PRELID2: variants seen among roughly 807,000 people sequenced by gnomAD.
PRELID2 encodes the protein PRELI domain-containing protein 2.
A neutral mutation model predicts 28.4 loss-of-function variants in PRELID2; 25 were observed. The observed-to-expected ratio is 0.88, with a 90% CI of 0.64 to 1.23. The LOEUF (loss-of-function observed/expected upper bound fraction) is 1.23, where lower values mean the gene tolerates loss of function less well. Among genes scored for constraint, PRELID2 ranks in the 50% most tolerant of loss-of-function variants. The probability of loss-of-function intolerance (pLI) is 0.00; values close to 1 mark genes in which losing one functional copy is unlikely to be tolerated. For synonymous variants in PRELID2, 76 were observed against 71.6 expected (o/e 1.06, Z -0.31); for missense variants, 201 against 214.4 (o/e 0.94, Z 0.39).
intron 1 of PRELID2, among the ~76,000 whole-genome samples, chr5:145,494,355 T>G (rs1752291455): frequency 6.6e-6 from 1 of 152,178 alleles, no homozygotes; most frequent in Admixed American, 6.5e-5. Flanking sequence ...TATTCAGTCT[T>G]GAAAAAATAC....
chr5:145,821,048 A>G (rs1437951775), intron 2 of PRELID2, among the ~76,000 whole-genome samples: 3 of 151,942 alleles, frequency 2.0e-5, no homozygotes, highest in Non-Finnish European at 2.9e-5. Flanking sequence ...TTTTCTATCT[A>G]TTAGAAGCGT....
the PRELID2 span, among the ~76,000 whole-genome samples, chr5:145,441,992 C>T: frequency 1.3e-5 from 2 of 152,192 alleles, no homozygotes; most frequent in East Asian, 3.9e-4. Flanking sequence ...GATGGCATTG[C>T]CAACCTTTAA....
chr5:145,331,401 G>A, the PRELID2 span, among the ~76,000 whole-genome samples: 1 of 152,160 alleles, frequency 6.6e-6, no homozygotes, highest in East Asian at 1.9e-4. Context: ...TTGTGTGGGA[G>A]TCTAAGTCTC....
intron 1 of PRELID2, among the ~76,000 whole-genome samples, chr5:145,679,977 G>A (rs560801322): frequency 1.1e-4 from 17 of 151,834 alleles, no homozygotes; most frequent in Non-Finnish European, 2.2e-4. Flanking sequence ...AGTTCTTAAA[G>A]TTCCAATGTT....
intron 1 of PRELID2, among the ~76,000 whole-genome samples, chr5:145,617,482 G>A (rs1581005685): frequency 6.6e-6 from 1 of 152,272 alleles, no homozygotes; most frequent in South Asian, 2.1e-4. Context: ...TCCGTTCGGG[G>A]TTCCTGACTT....
At chr5:145,489,444 A>G (rs149181147) in intron 1 of PRELID2, among the ~76,000 whole-genome samples, 4 of 152,314 alleles carry the variant, frequency 2.6e-5, no homozygotes, top group African/African-American at 9.6e-5. Context: ...GATTCCTGAC[A>G]ACTTAAATAG....
At chr5:145,366,374 T>C in the PRELID2 span, among the ~76,000 whole-genome samples, 1 of 151,834 alleles carries the variant, frequency 6.6e-6, no homozygotes, top group Non-Finnish European at 1.5e-5. Flanking sequence ...TTCTGACACT[T>C]GGAAACATTT....
At chr5:145,246,838 C>G in the PRELID2 span, among the ~76,000 whole-genome samples, 8 of 152,134 alleles carry the variant, frequency 5.3e-5, no homozygotes, top group African/African-American at 1.9e-4. Context: ...CCAAACTAAC[C>G]TAGGGAAGAA....
At chr5:145,613,817 A>G (rs542471819) in intron 1 of PRELID2, among the ~76,000 whole-genome samples, 1 of 152,136 alleles carries the variant, frequency 6.6e-6, no homozygotes, top group South Asian at 2.1e-4. Context: ...AAAGCTCTTC[A>G]GTTTAATGAG....
At chr5:145,287,086 T>A in the PRELID2 span, among the ~76,000 whole-genome samples, 1 of 152,192 alleles carries the variant, frequency 6.6e-6, no homozygotes. Flanking sequence ...TTTAAACACA[T>A]TTTACTTTAA....
At chr5:145,394,259 A>G in the PRELID2 span, among the ~76,000 whole-genome samples, 1 of 152,198 alleles carries the variant, frequency 6.6e-6, no homozygotes, top group African/African-American at 2.4e-5. Flanking sequence ...CCATAAAAAA[A>G]TGATGAGTTC....
chr5:145,456,184 G>A, the PRELID2 span, among the ~76,000 whole-genome samples: 1 of 152,096 alleles, frequency 6.6e-6, no homozygotes, highest in African/African-American at 2.4e-5. Context: ...ATGTAACTAG[G>A]CATACTGCTT....
At chr5:145,380,333 C>A in the PRELID2 span, among the ~76,000 whole-genome samples, 1 of 152,180 alleles carries the variant, frequency 6.6e-6, no homozygotes, top group Non-Finnish European at 1.5e-5. Flanking sequence ...TTTGTGTCTT[C>A]CCTTTATCCA....
intron 1 of PRELID2, among the ~76,000 whole-genome samples, chr5:145,482,233 T>C (rs1752168441): frequency 6.6e-6 from 1 of 152,214 alleles, no homozygotes; most frequent in Non-Finnish European, 1.5e-5. Flanking sequence ...TAGTAATCTG[T>C]TCCCCATTTG....
chr5:145,414,390 C>T, the PRELID2 span, among the ~76,000 whole-genome samples: 343 of 152,300 alleles, frequency 2.3e-3, 1 homozygote, highest in African/African-American at 7.6e-3. Flanking sequence ...ACCCCCCAGG[C>T]CTGCTGAAAA....
intron 1 of PRELID2, among the ~76,000 whole-genome samples, chr5:145,645,440 G>A (rs1489296590): frequency 7.1e-6 from 1 of 141,172 alleles, no homozygotes; most frequent in Non-Finnish European, 1.5e-5. Flanking sequence ...CTTTGTACAT[G>A]AGATGGTCTC....
intron 1 of PRELID2, among the ~76,000 whole-genome samples, chr5:145,626,836 C>T (rs375527438): frequency 4.6e-5 from 7 of 152,098 alleles, no homozygotes; most frequent in Non-Finnish European, 7.4e-5. Context: ...CGGTGGCTCA[C>T]GCCTGTAAAT....
intron 1 of PRELID2, among the ~76,000 whole-genome samples, chr5:145,682,060 A>G (rs541139641): frequency 1.3e-4 from 19 of 149,750 alleles, no homozygotes; most frequent in African/African-American, 2.2e-4. Context: ...TAACTTGGAG[A>G]AAAAAAAAAG....
chr5:145,538,786 C>G (rs78057603), intron 1 of PRELID2, among the ~76,000 whole-genome samples: 3,106 of 151,994 alleles, frequency 0.02, 100 homozygotes, highest in African/African-American at 0.072. Flanking sequence ...GTGCTTCAAG[C>G]AACCAATCTT....
Sources: allele counts gnomAD v4.1 joint callset (sites outside exome capture counted in the v4.1 genomes callset), GRCh38; gene constraint gnomAD v4.1.1; transcripts MANE v1.5; gene names NCBI Gene and HGNC (gene_info 2026-07-23, HGNC 2026-07-21).